The following OPHN1 variants were observed in gnomAD, a reference collection of about 807,000 sequenced individuals.
The protein encoded by OPHN1 is oligophrenin 1.
A neutral mutation model predicts 60.7 loss-of-function variants in OPHN1; 11 were observed. The observed-to-expected ratio is 0.18, with a 90% confidence interval of 0.11 to 0.30. The LOEUF is 0.30. OPHN1 is among the 10% of genes least tolerant of loss of function. OPHN1 has a pLI of 1.00. For synonymous variants in OPHN1, 226 were observed against 222.6 expected (o/e 1.02, Z -0.14); for missense variants, 449 against 611.0 (o/e 0.73, Z 2.80).
chrX:68,245,517 C>T (rs2077801375), intron 5 of OPHN1, among the ~76,000 whole-genome samples: 1 of 111,722 alleles, frequency 9.0e-6, no homozygotes, highest in Non-Finnish European at 1.9e-5. Context: ...TATAGGTCTA[C>T]CTTGGCTCTA....
intron 15 of OPHN1, among the ~76,000 whole-genome samples, chrX:68,134,972 C>A (rs778479017): frequency 9.0e-6 from 1 of 110,652 alleles, no homozygotes; most frequent in African/African-American, 3.3e-5. Context: ...TTACAAAATG[C>A]CTTGTTTCCT....
chrX:68,245,469 T>C (rs924641354), intron 5 of OPHN1, among the ~76,000 whole-genome samples: 3 of 112,286 alleles, frequency 2.7e-5, no homozygotes, highest in Middle Eastern at 4.7e-3. Flanking sequence ...AGCAGACTCG[T>C]TTCTTCTTTC....
chrX:68,197,475 A>C (rs1445690738), intron 11 of OPHN1, among the ~76,000 whole-genome samples: 2 of 111,266 alleles, frequency 1.8e-5, no homozygotes, highest in African/African-American at 6.5e-5. Flanking sequence ...CGGGGGTGGT[A>C]TCTTGGTGGC....
chrX:68,384,964 G>C (rs1029210967), intron 2 of OPHN1, among the ~76,000 whole-genome samples: 1 of 111,000 alleles, frequency 9.0e-6, no homozygotes, highest in African/African-American at 3.3e-5. Context: ...AGTGTACACT[G>C]CTTGGGTGAT....
At chrX:68,126,707 A>T (rs2077173361) in intron 15 of OPHN1, among the ~76,000 whole-genome samples, 1 of 111,915 alleles carries the variant, frequency 8.9e-6, no homozygotes. Flanking sequence ...GGCCTCCCAA[A>T]GTGCTGGGAT....
chrX:68,289,045 T>G (rs1003743952), intron 3 of OPHN1, among the ~76,000 whole-genome samples: 5 of 110,891 alleles, frequency 4.5e-5, no homozygotes, highest in African/African-American at 1.6e-4. Context: ...CCAAAGTCAT[T>G]AGAGTCCTTT....
At chrX:68,389,441 C>G (rs1189291431) in intron 2 of OPHN1, among the ~76,000 whole-genome samples, 1 of 108,407 alleles carries the variant, frequency 9.2e-6, no homozygotes, top group African/African-American at 3.3e-5. Flanking sequence ...GTGGAGGGTG[C>G]CTGTAATCTC....
intron 16 of OPHN1, among the ~76,000 whole-genome samples, chrX:68,114,293 C>T (rs772339272): frequency 3.3e-4 from 37 of 111,448 alleles, no homozygotes; most frequent in African/African-American, 1.2e-3. Flanking sequence ...GGTACCATTT[C>T]CAGTTCATCG....
At chrX:68,368,149 T>C (rs753804927) in intron 2 of OPHN1, among the ~76,000 whole-genome samples, 2 of 111,556 alleles carry the variant, frequency 1.8e-5, no homozygotes, top group Non-Finnish European at 3.8e-5. Flanking sequence ...ATTATTATAG[T>C]TGAAACAAAC....
chrX:68,270,872 C>A (rs912901010), intron 5 of OPHN1, among the ~76,000 whole-genome samples: 5 of 111,381 alleles, frequency 4.5e-5, no homozygotes, highest in African/African-American at 1.6e-4. Flanking sequence ...GTGAAATGAG[C>A]CCTAGACTTA....
At chrX:68,245,476 T>C (rs1250689820) in intron 5 of OPHN1, among the ~76,000 whole-genome samples, 1 of 112,350 alleles carries the variant, frequency 8.9e-6, no homozygotes, top group Admixed American at 9.5e-5. Flanking sequence ...TCGTTTCTTC[T>C]TTCAAGAGTG....
intron 15 of OPHN1, among the ~76,000 whole-genome samples, chrX:68,152,439 T>G (rs1343212951): frequency 9.4e-6 from 1 of 106,423 alleles, no homozygotes; most frequent in African/African-American, 3.6e-5. Flanking sequence ...CAGAACCTTA[T>G]CCTATTTTTT....
At chrX:68,220,422 C>T (rs1439531589) in intron 6 of OPHN1, among the ~76,000 whole-genome samples, 9 of 111,334 alleles carry the variant, frequency 8.1e-5, no homozygotes, top group Non-Finnish European at 1.5e-4. Flanking sequence ...TCCTCCCTAA[C>T]TCATTTCATG....
At chrX:68,062,762 C>A (rs957343478) in intron 21 of OPHN1, among the ~76,000 whole-genome samples, 1 of 112,207 alleles carries the variant, frequency 8.9e-6, no homozygotes, top group Non-Finnish European at 1.9e-5. Flanking sequence ...GGATTTAGAT[C>A]CAAGCCTTTC....
At chrX:68,111,092 A>T (rs1400787584) in intron 18 of OPHN1, among the ~76,000 whole-genome samples, 2 of 112,147 alleles carry the variant, frequency 1.8e-5, no homozygotes, top group Non-Finnish European at 3.8e-5. Flanking sequence ...TATACACTTA[A>T]AATACATTAC....
At chrX:68,067,190 T>C (rs1453826356) in intron 20 of OPHN1, among the ~76,000 whole-genome samples, 1 of 112,368 alleles carries the variant, frequency 8.9e-6, no homozygotes, top group African/African-American at 3.2e-5. Flanking sequence ...AGGGTCTTTA[T>C]AAAACAGGTA....
chrX:68,083,050 G>GTTTTTT (rs1569206967), intron 19 of OPHN1, among the ~76,000 whole-genome samples: 4 of 40,985 alleles, frequency 9.8e-5, no homozygotes, highest in African/African-American at 2.0e-4. Flanking sequence ...ACCTCTGCTA[G>GTTTTTT]TTTCTTTTTT....
intron 2 of OPHN1, among the ~76,000 whole-genome samples, chrX:68,365,515 G>A (rs1363078112): frequency 9.0e-6 from 1 of 111,564 alleles, no homozygotes; most frequent in Non-Finnish European, 1.9e-5. Context: ...TCCACAAACA[G>A]CTGTGCTCTC....
intron 3 of OPHN1, among the ~76,000 whole-genome samples, chrX:68,286,012 C>G (rs1185877895): frequency 3.6e-5 from 4 of 111,240 alleles, no homozygotes; most frequent in African/African-American, 9.8e-5. Context: ...TCTAGAAAAT[C>G]TAATGTAAGG....
Sources: gnomAD v4.1 joint callset for allele counts (sites outside exome capture counted in the v4.1 genomes callset) on GRCh38, gnomAD v4.1.1 for gene constraint, MANE v1.5 for transcripts, NCBI Gene and HGNC (gene_info 2026-07-23, HGNC 2026-07-21) for gene names.